The following MUC3A variants were observed in gnomAD, a reference collection of about 807,000 sequenced individuals.
MUC3A encodes the protein mucin-3A.
MUC3A carries 109 observed loss-of-function variants against 109.0 expected under a neutral mutation model. The observed-to-expected ratio is 1.00, with a 90% confidence interval of 0.86 to 1.17. The LOEUF is 1.17. Among genes scored for constraint, MUC3A ranks in the 50% most tolerant of loss-of-function variants. The pLI is 0.00. For synonymous variants in MUC3A, 1,398 were observed against 981.4 expected, an observed-to-expected ratio of 1.42 and a Z score of -7.93; for missense variants, 3,537 against 2,469.4, an observed-to-expected ratio of 1.43 and a Z score of -9.16.
Position 100,967,322 on chromosome 7 carries a change from C to A in MUC3A, c.*160C>A. On this transcript the variant is annotated 3_prime_UTR_variant, in exon 12 of 12. Transcript: ENST00000379458. ...CCCCCAAATCCCATCCTTCTCCTTC[C>A]AACTTGGCTGAAACCCACCTGGAGA... The A allele has an allele frequency of 8.0e-7, 1 of 1,248,032 alleles. No individual in the cohort carries two copies. The highest frequency in any genetic ancestry group is 1.1e-6 in the Non-Finnish European group (1 of 907,546). The allele number at this position is 1,248,032 out of a possible 1,614,324, so 77.3% of individuals were successfully genotyped here. A position where few individuals can be genotyped will look rare whatever the true frequency, so the allele number is the denominator to read the frequency against.
chr7:100,961,078 T>C (rs1398927786), intron 3 of MUC3A, 141 bp downstream of exon 3: 1 of 1,528,412 alleles, frequency 6.5e-7, no homozygotes, highest in Admixed American at 2.1e-5. Context: ...TCCCATGCCC[T>C]CCGCTGCCCT....
At chr7:100,963,781 C>T (rs1442057964) in intron 5 of MUC3A, 29 bp downstream of exon 5, 21 of 1,598,454 alleles carry the variant, frequency 1.3e-5, no homozygotes, top group Admixed American at 1.2e-4. Context: ...GATGCGGAGG[C>T]GGTGTTGGGT....
At chr7:100,965,559 C>A in intron 7 of MUC3A, 145 bp from the exon 8 acceptor site, 2 of 1,445,566 alleles carry the variant, frequency 1.4e-6, no homozygotes, top group Non-Finnish European at 1.8e-6. Flanking sequence ...GGTGGCCTCC[C>A]CTCATCGAAT....
rs1190781068 is a variant in MUC3A at position 100,963,767 on chromosome 7, T to C, written c.9233+15T>C. 3.1e-6 allele frequency: 5 copies of C among 1,598,556 alleles called. No individual in the cohort carries two copies. Among genetic ancestry groups the C allele is most frequent in the Non-Finnish European group, 4.2e-6 (5 of 1,179,808 alleles). ...CTGTCCCTGAGGTAGGAGACCCATC[T>C]GGGGATGCGGAGGCGGTGTTGGGTG... is the stretch of plus-strand genomic sequence containing the variant. On this transcript the variant is annotated intron_variant, in intron 5 of 11. Coordinates refer to ENST00000379458, the MANE Select transcript of MUC3A (RefSeq NM_005960.2).
chr7:100,952,930 T>G lies in MUC3A; in HGVS notation c.1151T>G (p.Met384Arg), dbSNP rs76035900. 1.4e-6 allele frequency: 2 copies of G among 1,430,868 alleles called. No homozygotes were observed. Among genetic ancestry groups the G allele is most frequent in the Non-Finnish European group, 1.8e-6 (2 of 1,088,576 alleles). 88.6% of individuals were successfully genotyped at this position (1,430,868 alleles called of 1,614,324 possible). A position where few individuals can be genotyped will look rare whatever the true frequency, so the allele number is the denominator to read the frequency against. ...LPTTETATTP[M>R]TNLVTTTTEI... ...ACCACAGAAACAGCCACGACTCCTATGACAAACTTGGTAACCACCACCACT... is the reference window on the plus strand; with the variant it reads ...ACCACAGAAACAGCCACGACTCCTAGGACAAACTTGGTAACCACCACCACT... The change falls in exon 2 of 12, where the codon ATG becomes AGG. Residue 384 changes from methionine to arginine, a missense_variant. Transcript: ENST00000379458.
Position 100,957,140 on chromosome 7 carries a change from T to G in MUC3A, c.5361T>G (p.Thr1787=). ...CCACCCCTCTAGGGCCCACAGCCAC[T>G]AATACGTTACCATCATTTACCAGTA... The part of the protein sequence containing the change: ...TTTTPLGPTA[T]NTLPSFTSSV... The change falls in exon 2 of 12, where the codon ACT becomes ACG. Residue 1787 remains threonine, a synonymous_variant. Transcript: ENST00000379458. 1 of 463,772 alleles carries G rather than the reference T, an allele frequency of 2.2e-6. No individual in the cohort carries two copies. Among genetic ancestry groups the G allele is most frequent in the Non-Finnish European group, 3.8e-6 (1 of 265,266 alleles). 28.7% of individuals were successfully genotyped at this position (463,772 alleles called of 1,614,324 possible).
At position 100,967,667 on chromosome 7, in the gene MUC3A, C is replaced by T. The variant is rs2116232858; in HGVS notation, c.*505C>T. 4.3e-6 allele frequency: 1 copy of T among 230,096 alleles called. No homozygotes were observed. The highest frequency in any genetic ancestry group is 7.2e-5 in the South Asian group (1 of 13,806). The allele number at this position is 230,096 out of a possible 1,614,324, so 14.3% of individuals were successfully genotyped here. The stretch of plus-strand genomic sequence containing the variant: ...GCAGCCTGCAGCCCCATCCCATCTC[C>T]TGCCCTCTCCTGATCTAACTCCCTG... On this transcript the variant is annotated 3_prime_UTR_variant, in exon 12 of 12. Coordinates refer to ENST00000379458, the MANE Select transcript of MUC3A (RefSeq NM_005960.2).
At chr7:100,965,140 CT>C in intron 6 of MUC3A, 141 bp from the exon 7 acceptor site, 1 of 1,214,868 alleles carries the variant, frequency 8.2e-7, no homozygotes. Flanking sequence ...GCCTGTGGCT[CT>C]CTCCGTCTGG....
intron 3 of MUC3A, among the ~76,000 whole-genome samples, chr7:100,962,018 G>A (rs1392838771): frequency 1.7e-5 from 2 of 116,148 alleles, no homozygotes; most frequent in Non-Finnish European, 4.0e-5. Context: ...GGATCACGAG[G>A]TCAGGAGATC....
chr7:100,949,797 C>T (rs928415014), intron 1 of MUC3A, 112 bp downstream of exon 1: 13 of 1,085,104 alleles, frequency 1.2e-5, no homozygotes, highest in Admixed American at 3.0e-5. Context: ...GAAGGCACCG[C>T]TTGGGGCTCT....
rs758528248 is a variant in MUC3A, at chr7:100,966,911, A to T, written c.9890A>T (p.Asn3297Ile). 1 of 1,598,546 alleles carries T rather than the reference A, an allele frequency of 6.3e-7. No individual in the cohort carries two copies. Among genetic ancestry groups the T allele is most frequent in the Non-Finnish European group, 8.5e-7 (1 of 1,179,826 alleles). The change falls in exon 11 of 12, where the codon AAT becomes ATT. Residue 3297 changes from asparagine (N) to isoleucine (I), a missense_variant. Physicochemically the swap from Asn to Ile is moderately radical, Grantham distance 149. Transcript: ENST00000379458. ...FEDDGTDKDT[N>I]FYVALENVDT... ...TCTCTCTCTCTAGACAAGGATACAA[A>T]TTTCTATGTGGCCTTGGAGAACGTG...
Position 100,954,930 on chromosome 7 carries a change from A to G in MUC3A, c.3151A>G (p.Ser1051Gly), listed in dbSNP as rs1388600551. 2 of 544,784 alleles carry G rather than the reference A, an allele frequency of 3.7e-6. No individual in the cohort carries two copies. Among genetic ancestry groups the G allele is most frequent in the Non-Finnish European group, 6.4e-6 (2 of 310,786 alleles). The allele number at this position is 544,784 out of a possible 1,614,324, so 33.7% of individuals were successfully genotyped here. The change falls in exon 2 of 12, where the codon AGC (serine) becomes GGC (glycine). Residue 1051 changes from serine to glycine, a missense_variant. Coordinates refer to ENST00000379458, the MANE Select transcript of MUC3A (RefSeq NM_005960.2). ...SSILSSTPVPSTEMITSHTTN... is the reference protein window; with the variant it reads ...SSILSSTPVPGTEMITSHTTN... ...CATTTTATCTTCTACACCTGTCCCA[A>G]GCACAGAAATGATCACCAGTCATAC...
Position 100,967,608 on chromosome 7 carries a change from T to G in MUC3A, c.*446T>G. 1 of 312,568 alleles carries G rather than the reference T, an allele frequency of 3.2e-6. No individual in the cohort carries two copies. Among genetic ancestry groups the G allele is most frequent in the East Asian group, 6.7e-5 (1 of 14,978 alleles). The allele number at this position is 312,568 out of a possible 1,614,324, so 19.4% of individuals were successfully genotyped here. A position where few individuals can be genotyped will look rare whatever the true frequency, so the allele number is the denominator to read the frequency against. ...GCCCTGGTTCTTATTTTCTCTCAAT[T>G]CCCTACTGCCTGTTTCTTACTTTGA... On this transcript the variant is annotated 3_prime_UTR_variant, in exon 12 of 12. Transcript: ENST00000379458.
intron 10 of MUC3A, 70 bp from the exon 11 acceptor site, chr7:100,966,829 T>C: frequency 1.3e-6 from 2 of 1,598,432 alleles, no homozygotes; most frequent in African/African-American, 1.3e-5. Flanking sequence ...TCCTCGCATT[T>C]ACTCCGTCCC....
intron 7 of MUC3A, 155 bp downstream of exon 7, chr7:100,965,502 C>A (rs1470054624): frequency 4.9e-6 from 7 of 1,436,356 alleles, no homozygotes; most frequent in Admixed American, 4.1e-5. Context: ...TTAGTGGCTT[C>A]CACCTGAGGA....
rs1792134186 is a variant in MUC3A at position 100,957,581 on chromosome 7, C to T, written c.5802C>T (p.Pro1934=). 2 of 1,268,140 alleles carry T rather than the reference C, an allele frequency of 1.6e-6. No individual in the cohort carries two copies. Among genetic ancestry groups the T allele is most frequent in the South Asian group, 2.1e-5 (1 of 48,630 alleles). 78.6% of individuals were successfully genotyped at this position (1,268,140 alleles called of 1,614,324 possible). A position where few individuals can be genotyped will look rare whatever the true frequency, so the allele number is the denominator to read the frequency against. The part of the protein sequence containing the change: ...FTSSITTTET[P]SHSTPRFTSS... ...CTTCAATCACCACTACCGAGACCCC[C>T]TCACACAGTACTCCCAGATTCACTT... The change falls in exon 2 of 12, where the codon CCC becomes CCT. Residue 1934 remains proline, a synonymous_variant. Coordinates refer to ENST00000379458, the MANE Select transcript of MUC3A (RefSeq NM_005960.2).
intron 3 of MUC3A, among the ~76,000 whole-genome samples, chr7:100,962,807 C>T (rs1406374829): frequency 2.9e-5 from 1 of 33,956 alleles, no homozygotes; most frequent in Admixed American, 3.3e-4. Flanking sequence ...TTCTCTCTCT[C>T]TCTCTCTTTC....
Position 100,964,829 on chromosome 7 carries a change from G to T in MUC3A, c.9368G>T (p.Cys3123Phe), listed in dbSNP as rs1217737109. ...LQNASQDVNS[C>F]QDSQTLCFKP... The stretch of plus-strand genomic sequence containing the variant: ...AACGCCAGCCAGGATGTGAACAGCT[G>T]CCAGGACTCCCAGAGTGAGCCCAGG... The change falls in exon 6 of 12, where the codon TGC becomes TTC. Residue 3123 changes from cysteine (C) to phenylalanine (F), a missense_variant. Cys to Phe is a radical substitution (Grantham distance 205). Transcript: ENST00000379458. The T allele has an allele frequency of 1.3e-6, 2 of 1,597,740 alleles. No homozygotes were observed. Among genetic ancestry groups the T allele is most frequent in the African/African-American group, 1.3e-5 (1 of 74,950 alleles).
chr7:100,965,792 C>T lies in MUC3A; in HGVS notation c.9537C>T (p.Cys3179=). ...CCCGGCTCCGCTGTGTCACCAAATG[C>T]ACGTCGGGGGTGGACAACGCCATCG... is the stretch of plus-strand genomic sequence containing the variant. ...EATRLRCVTK[C]TSGVDNAIDC... The change falls in exon 8 of 12, where the codon TGC becomes TGT. Residue 3179 remains cysteine (C), a synonymous_variant. Transcript: ENST00000379458. The T allele has an allele frequency of 6.3e-7, 1 of 1,597,628 alleles. No homozygotes were observed. The highest frequency in any genetic ancestry group is 8.5e-7 in the Non-Finnish European group (1 of 1,179,068).
Sources: gnomAD v4.1 joint callset for allele counts (sites outside exome capture counted in the v4.1 genomes callset) on GRCh38, gnomAD v4.1.1 for gene constraint, MANE v1.5 for transcripts, NCBI Gene and HGNC (gene_info 2026-07-23, HGNC 2026-07-21) for gene names.